NUP188: variants seen among roughly 807,000 people sequenced by gnomAD.
The protein encoded by NUP188 is nucleoporin NUP188.
In NUP188, 97 loss-of-function variants were observed where a neutral mutation model predicts 223.0. The observed-to-expected ratio is 0.43, with a 90% CI of 0.37 to 0.51. The LOEUF is 0.51. Among genes scored for constraint, NUP188 ranks in the 20% least tolerant of loss-of-function variants. The pLI is 0.00. For missense variants in NUP188, 1,947 were observed against 2,175.6 expected (o/e 0.89, Z 2.09); for synonymous variants, 869 against 828.0 (o/e 1.05, Z -0.85).
chr9:128,993,539 G>C lies in NUP188; in HGVS notation c.2862G>C (p.Gly954=), dbSNP rs374088721. The C allele has an allele frequency of 1.2e-6, 2 of 1,614,036 alleles. No individual in the cohort carries two copies. Among genetic ancestry groups the C allele is most frequent in the Non-Finnish European group, 1.7e-6 (2 of 1,180,034 alleles). Residue 954 remains glycine (G), a synonymous_variant, in exon 27 of 44, where the codon GGG becomes GGC. Coordinates refer to ENST00000372577, the MANE Select transcript of NUP188 (RefSeq NM_015354.3). ...GSDGSKEFSL[G]MWSCLHAVLE... The stretch of plus-strand genomic sequence containing the variant: ...CCTTCTTGCAGGAATTCAGCCTTGG[G>C]ATGTGGAGCTGTCTCCATGCAGTGC...
At chr9:128,960,767 T>C (rs1251904253) in intron 8 of NUP188, among the ~76,000 whole-genome samples, 3 of 152,004 alleles carry the variant, frequency 2.0e-5, no homozygotes, top group Non-Finnish European at 4.4e-5. Flanking sequence ...CTGGCCAATA[T>C]GGTAAAACCC....
At chr9:128,968,103 A>T (rs1300818628) in intron 8 of NUP188, among the ~76,000 whole-genome samples, 1 of 145,072 alleles carries the variant, frequency 6.9e-6, no homozygotes, top group Non-Finnish European at 1.6e-5. Context: ...CCAAAAATTT[A>T]AAAAAAGAAA....
Position 128,958,815 on chromosome 9 carries a change from A to G in NUP188, c.386A>G (p.Tyr129Cys). 6.3e-7 allele frequency: 1 copy of G among 1,579,914 alleles called. No individual in the cohort carries two copies. The highest frequency in any genetic ancestry group is 8.6e-7 in the Non-Finnish European group (1 of 1,160,286). ...QALILKIADY[Y>C]YEERTCILRC... ...TGGGTTCCTCAGATTGCAGATTATT[A>G]TTATGAAGAAAGAACCTGTATTCTT... The change falls in exon 7 of 44, where the codon TAT (tyrosine) becomes TGT (cysteine). Residue 129 changes from tyrosine (Y) to cysteine (C), a missense_variant. By Grantham distance (194) the Tyr-to-Cys change is radical. This residue lies in a region of NUP188 where 817 missense variants were observed against 865.8 expected (regional missense o/e 0.94). Transcript: ENST00000372577.
At chr9:128,995,249 A>C in intron 29 of NUP188, 70 bp from the exon 30 acceptor site, 1 of 1,300,406 alleles carries the variant, frequency 7.7e-7, no homozygotes, top group Non-Finnish European at 1.1e-6. Flanking sequence ...CTGCCTCAAC[A>C]AGGGTCTGTA....
chr9:128,993,197 G>T lies in NUP188; in HGVS notation c.2641G>T (p.Val881Leu). ...GCCTGTGTGTTCCGGTCTCCACCAG[G>T]TGGCCCCAATGTCAGTGTATGCTTG... is the stretch of plus-strand genomic sequence containing the variant. ...AIQLLKRLATVAPMSVYACLG... is the reference protein window; with the variant it reads ...AIQLLKRLATLAPMSVYACLG... Residue 881 changes from valine to leucine, a missense_variant and splice_region_variant, in exon 26 of 44, where the codon GTG becomes TTG. Val to Leu is a conservative substitution (Grantham distance 32). Around this residue, in one of 3 missense-constraint regions of NUP188, gnomAD observed 225 missense variants for 319.1 expected, o/e 0.71. Transcript: ENST00000372577. The T allele has an allele frequency of 6.2e-7, 1 of 1,613,632 alleles. No individual in the cohort carries two copies. The highest frequency in any genetic ancestry group is 8.5e-7 in the Non-Finnish European group (1 of 1,179,546).
Position 129,005,824 on chromosome 9 carries a change from CT to C in NUP188, c.4869+49del, listed in dbSNP as rs748016864. On this transcript the variant is annotated intron_variant, in intron 41 of 43. Coordinates refer to ENST00000372577, the MANE Select transcript of NUP188 (RefSeq NM_015354.3). ...TGTCCTCTCCCCCCGGCTCCTCCCCCTGCCTGCCACTTCCCAGCTGACCTTG... is the reference window on the plus strand; with the variant it reads ...TGTCCTCTCCCCCCGGCTCCTCCCCCGCCTGCCACTTCCCAGCTGACCTTG... 1.6e-5 allele frequency: 24 copies of C among 1,547,080 alleles called. No individual in the cohort carries two copies. In the African/African-American group the frequency reaches 2.7e-4, roughly 18 times the overall value.
At chr9:128,983,600 T>A in intron 19 of NUP188, 50 bp downstream of exon 19, 1 of 1,227,272 alleles carries the variant, frequency 8.1e-7, no homozygotes, top group Non-Finnish European at 1.2e-6. Context: ...GAGAACCACA[T>A]ATGTCTCAGA....
At chr9:128,968,765 T>G (rs1414087270) in intron 9 of NUP188, 48 bp downstream of exon 9, 1 of 1,421,404 alleles carries the variant, frequency 7.0e-7, no homozygotes, top group African/African-American at 1.4e-5. Flanking sequence ...TTTAGAGCAT[T>G]GATACTATAG....
At position 129,006,565 on chromosome 9, in the gene NUP188, G is replaced by A. The variant is rs1259804116; in HGVS notation, c.5137G>A (p.Gly1713Ser). 1 of 1,614,190 alleles carries A rather than the reference G, an allele frequency of 6.2e-7. No homozygotes were observed. The highest frequency in any genetic ancestry group is 8.5e-7 in the Non-Finnish European group (1 of 1,180,024). The part of the protein sequence containing the change: ...RRGAPSSPAT[G>S]VLPSPQGKST... The stretch of plus-strand genomic sequence containing the variant: ...GGGAGCCCCCAGCTCCCCTGCCACT[G>A]GTGTCCTCCCCTCGCCGCAGGGCAA... The change falls in exon 44 of 44, where the codon GGT becomes AGT. Residue 1713 changes from glycine to serine, a missense_variant. By Grantham distance (56) the Gly-to-Ser change is moderately conservative. Around this residue, in one of 3 missense-constraint regions of NUP188, gnomAD observed 905 missense variants for 990.6 expected, o/e 0.91. Coordinates refer to ENST00000372577, the MANE Select transcript of NUP188 (RefSeq NM_015354.3).
intron 39 of NUP188, 26 bp downstream of exon 39, chr9:129,005,247 T>C (rs748637412): frequency 8.1e-6 from 13 of 1,613,530 alleles, no homozygotes; most frequent in Non-Finnish European, 1.1e-5. Flanking sequence ...CATGAGGTCC[T>C]GGAATACCTC....
chr9:128,990,880 G>A (rs374111664), intron 25 of NUP188, among the ~76,000 whole-genome samples: 57 of 151,820 alleles, frequency 3.8e-4, no homozygotes, highest in African/African-American at 1.2e-3. Context: ...TTAGCCAGGC[G>A]TGGTGGCAGG....
Position 129,001,529 on chromosome 9 carries a change from G to C in NUP188, c.3844G>C (p.Val1282Leu). The C allele has an allele frequency of 2.5e-6, 4 of 1,612,700 alleles. No individual in the cohort carries two copies. The highest frequency in any genetic ancestry group is 3.4e-6 in the Non-Finnish European group (4 of 1,179,140). The change falls in exon 35 of 44, where the codon GTG becomes CTG. Residue 1282 changes from valine (V) to leucine (L), a missense_variant and splice_region_variant. Physicochemically the swap from Val to Leu is conservative, Grantham distance 32. Around this residue, in one of 3 missense-constraint regions of NUP188, gnomAD observed 905 missense variants for 990.6 expected, o/e 0.91. Transcript: ENST00000372577. ...RSRHRDQRDGVCVLGLHLAKE... is the reference protein window; with the variant it reads ...RSRHRDQRDGLCVLGLHLAKE... Reference sequence around the variant, plus strand: ...TTTACTCATCTTTGCCTCTGGGCAGGTGTGTGTCCTGGGCCTGCACCTGGC... The same window carrying C: ...TTTACTCATCTTTGCCTCTGGGCAGCTGTGTGTCCTGGGCCTGCACCTGGC...
At chr9:128,981,088 G>C (rs1842247284) in intron 14 of NUP188, among the ~76,000 whole-genome samples, 176 bp from the exon 15 acceptor site, 1 of 152,164 alleles carries the variant, frequency 6.6e-6, no homozygotes, top group Non-Finnish European at 1.5e-5. Context: ...ATGGGGACTT[G>C]AGTTGAGTGT....
intron 43 of NUP188, 25 bp downstream of exon 43, chr9:129,006,393 G>A: frequency 1.2e-6 from 2 of 1,614,144 alleles, no homozygotes; most frequent in African/African-American, 2.7e-5. Flanking sequence ...GGATACGGAG[G>A]GCTGGACCAA....
At chr9:129,003,050 G>C in intron 37 of NUP188, 75 bp downstream of exon 37, 5 of 1,524,018 alleles carry the variant, frequency 3.3e-6, no homozygotes, top group Non-Finnish European at 4.4e-6. Flanking sequence ...GGGGCAGGTG[G>C]GTGTGGAGCC....
chr9:128,970,915 A>G lies in NUP188; in HGVS notation c.1070A>G (p.Tyr357Cys), dbSNP rs1336934522. 2 of 1,613,968 alleles carry G rather than the reference A, an allele frequency of 1.2e-6. No homozygotes were observed. Among genetic ancestry groups the G allele is most frequent in the Non-Finnish European group, 1.7e-6 (2 of 1,180,006 alleles). ...GCCATCCAGCTGAATGTGTTTCAGTACTTGACCCGATTGCTCCAGTCCCTT... is the reference window on the plus strand; with the variant it reads ...GCCATCCAGCTGAATGTGTTTCAGTGCTTGACCCGATTGCTCCAGTCCCTT... Reference protein sequence around the residue: ...GTAIQLNVFQYLTRLLQSLAS... With the variant: ...GTAIQLNVFQCLTRLLQSLAS... The change falls in exon 11 of 44, where the codon TAC becomes TGC. Residue 357 changes from tyrosine (Y) to cysteine (C), a missense_variant. By Grantham distance (194) the Tyr-to-Cys change is radical (BLOSUM62 -2). Transcript: ENST00000372577.
intron 8 of NUP188, among the ~76,000 whole-genome samples, chr9:128,962,740 T>G (rs1418847359): frequency 2.0e-5 from 3 of 152,180 alleles, no homozygotes; most frequent in Non-Finnish European, 4.4e-5. Context: ...AGTGCTGGGA[T>G]TATAGGTGTG....
rs1320486558 is a variant in NUP188, at chr9:128,982,629, G to T, written c.1597G>T (p.Glu533Ter). ...TGATAGGGCATACCTGGTACGCTGG[G>T]AATACTCCTATAGCAGCTGGACCCT... ...LDDRAYLVRWEYSYSSWTLFT... is the reference protein window; with the variant it reads ...LDDRAYLVRW The change falls in exon 16 of 44, where the codon GAA (glutamate) becomes TAA (stop). Residue 533 changes from glutamate to a stop codon, truncating the protein, a stop_gained. Transcript: ENST00000372577. LOFTEE classifies it high-confidence loss of function. 6.2e-7 allele frequency: 1 copy of T among 1,614,018 alleles called. No individual in the cohort carries two copies. Among genetic ancestry groups the T allele is most frequent in the African/African-American group, 1.3e-5 (1 of 74,906 alleles).
intron 8 of NUP188, among the ~76,000 whole-genome samples, chr9:128,965,004 C>A (rs1199705310): frequency 6.6e-6 from 1 of 152,114 alleles, no homozygotes; most frequent in Non-Finnish European, 1.5e-5. Context: ...CCTCACCCGG[C>A]CAAAATTTTA....
Sources: allele counts gnomAD v4.1 joint callset (sites outside exome capture counted in the v4.1 genomes callset), GRCh38; gene constraint gnomAD v4.1.1; regional missense constraint gnomAD v4.1.1; transcripts MANE v1.5; gene names NCBI Gene and HGNC (gene_info 2026-07-23, HGNC 2026-07-21).